Variants in ATF7IP2 observed in about 807,000 individuals in gnomAD.
ATF7IP2 encodes activating transcription factor 7-interacting protein 2.
In ATF7IP2, 42 loss-of-function variants were observed where a neutral mutation model predicts 64.2. The ratio of observed to expected loss-of-function variants is 0.65; its 90% CI spans 0.51 to 0.85. The LOEUF (loss-of-function observed/expected upper bound fraction) is 0.85, where lower values mean the gene tolerates loss of function less well. ATF7IP2 is among the 40% of genes least tolerant of loss of function. ATF7IP2 has a pLI of 0.00. For missense variants in ATF7IP2, 933 were observed against 784.2 expected (o/e 1.19, Z -2.27); for synonymous variants, 308 against 272.8 (o/e 1.13, Z -1.27).
intron 2 of ATF7IP2, among the ~76,000 whole-genome samples, chr16:10,415,406 G>A (rs1250353961): frequency 6.6e-6 from 1 of 152,144 alleles, no homozygotes; most frequent in African/African-American, 2.4e-5. Context: ...AAATGGTGCT[G>A]GGAAAACTGG....
intron 8 of ATF7IP2, among the ~76,000 whole-genome samples, chr16:10,453,093 C>T (rs571383986): frequency 3.3e-5 from 5 of 152,266 alleles, no homozygotes; most frequent in South Asian, 4.1e-4. Context: ...GAAGAGTGAA[C>T]GGTTCTCTCT....
intron 1 of ATF7IP2, among the ~76,000 whole-genome samples, chr16:10,389,666 A>G (rs1315873882): frequency 2.0e-5 from 3 of 152,258 alleles, no homozygotes; most frequent in Non-Finnish European, 4.4e-5. Context: ...GATTTTAAAA[A>G]CAAGTTGTTA....
In ATF7IP2 at chr16:10,439,261, G is replaced by A. The variant is rs951772064; in HGVS notation, c.1095+1026G>A. ...TTTCGTTTGTTTGAGATGGAGTCTC[G>A]CTCTGTCGCCCAGGCTGGAGTGCAG... On this transcript the variant is annotated intron_variant, in intron 7 of 13. Transcript: ENST00000562102. Among the ~76,000 whole-genome samples the A allele has an allele frequency of 5.9e-5, 9 of 151,570 alleles. No individual in the cohort carries two copies. In the South Asian group the frequency reaches 6.3e-4, roughly 11 times the overall value.
chr16:10,445,997 C>T (rs909068872), intron 8 of ATF7IP2: 2 of 152,212 alleles, frequency 1.3e-5, no homozygotes, highest in Non-Finnish European at 2.9e-5. Context: ...GCAAACAATT[C>T]ACATGTTTGG....
chr16:10,402,818 A>T (rs2047561254), intron 1 of ATF7IP2, among the ~76,000 whole-genome samples: 1 of 151,834 alleles, frequency 6.6e-6, no homozygotes, highest in South Asian at 2.1e-4. Context: ...CTCCCTCTGT[A>T]GTCCCAGCAT....
chr16:10,433,565 A>G lies in ATF7IP2; in HGVS notation c.876A>G (p.Glu292=). ...QKKRMFSENE[E]NVKRMKTSEQ... ...AGAGGATGTTTTCAGAAAACGAGGA[A>G]AATGTTAAACGCATGAAAACTTCAG... The change falls in exon 6 of 14, where the codon GAA becomes GAG. Residue 292 remains glutamate (E), a synonymous_variant. Coordinates refer to ENST00000562102, the MANE Select transcript of ATF7IP2 (RefSeq NM_001393719.1). 2 of 1,613,378 alleles carry G rather than the reference A, an allele frequency of 1.2e-6. No individual in the cohort carries two copies. The highest frequency in any genetic ancestry group is 1.7e-6 in the Non-Finnish European group (2 of 1,179,292).
In ATF7IP2 at chr16:10,430,730, C is replaced by A. The variant is rs758481978; in HGVS notation, c.110C>A (p.Ala37Glu). The change falls in exon 5 of 14, where the codon GCG becomes GAG. Residue 37 changes from alanine to glutamate, a missense_variant. Ala to Glu is a moderately radical substitution (Grantham distance 107). Transcript: ENST00000562102. ...CTGAATAAGTCAAGGAATGTTGAAG[C>A]GCTGAAAACAGCAATTGGGAGTAAT... ...EMLNKSRNVE[A>E]LKTAIGSNVP... 1.5e-5 allele frequency: 24 copies of A among 1,613,866 alleles called. No homozygotes were observed. The highest frequency in any genetic ancestry group is 6.8e-6 in the Non-Finnish European group (8 of 1,179,960).
At chr16:10,394,393 A>T (rs183510914) in intron 1 of ATF7IP2, among the ~76,000 whole-genome samples, 99 of 152,332 alleles carry the variant, frequency 6.5e-4, no homozygotes, top group African/African-American at 2.3e-3. Context: ...TGAAGCAACT[A>T]TTGACAGAAT....
At chr16:10,397,647 C>T (rs1002668503) in intron 1 of ATF7IP2, among the ~76,000 whole-genome samples, 9 of 151,904 alleles carry the variant, frequency 5.9e-5, no homozygotes, top group East Asian at 3.9e-4. Context: ...GAGGCCAAAG[C>T]GGGTGAATCG....
intron 8 of ATF7IP2, among the ~76,000 whole-genome samples, chr16:10,455,762 C>G (rs993612281): frequency 2.0e-5 from 3 of 152,094 alleles, no homozygotes; most frequent in African/African-American, 7.2e-5. Flanking sequence ...GACTTAATAC[C>G]TAGATCTTCA....
At chr16:10,443,543 ATTCCATGCAGGCAT>A (rs1472625787) in intron 8 of ATF7IP2, among the ~76,000 whole-genome samples, 2 of 152,240 alleles carry the variant, frequency 1.3e-5, no homozygotes, top group Non-Finnish European at 2.9e-5. Flanking sequence ...TATTCAATTC[ATTCCATGCAGGCAT>A]TTGCTTCTTG....
intron 1 of ATF7IP2, among the ~76,000 whole-genome samples, chr16:10,389,260 G>T (rs550093096): frequency 6.6e-6 from 1 of 152,160 alleles, no homozygotes; most frequent in Non-Finnish European, 1.5e-5. Flanking sequence ...AGTCTATCTG[G>T]CTATATAGAG....
intron 2 of ATF7IP2, 51 bp downstream of exon 2, chr16:10,414,663 T>TGTGTGTGTGTGTG (rs1567436963): frequency 7.5e-5 from 1 of 13,262 alleles, no homozygotes; most frequent in African/African-American, 6.1e-4. Flanking sequence ...GTGTGTGTGT[T>TGTGTGTGTGTGTG]TGGGCGGGGG....
intron 6 of ATF7IP2, among the ~76,000 whole-genome samples, chr16:10,436,636 A>C (rs2048429406): frequency 6.6e-6 from 1 of 152,214 alleles, no homozygotes; most frequent in Admixed American, 6.5e-5. Context: ...ATAAGAGTTT[A>C]ACGTAGGAAC....
intron 1 of ATF7IP2, among the ~76,000 whole-genome samples, chr16:10,400,369 AGTTT>A (rs2047504392): frequency 6.6e-6 from 1 of 152,172 alleles, no homozygotes; most frequent in Non-Finnish European, 1.5e-5. Context: ...CCTGAAACTT[AGTTT>A]GTTTATTAAA....
intron 1 of ATF7IP2, among the ~76,000 whole-genome samples, chr16:10,396,079 A>G (rs192940421): frequency 3.3e-4 from 51 of 152,364 alleles, no homozygotes; most frequent in African/African-American, 7.2e-4. Context: ...ATGGAAGATC[A>G]GTGTACATAA....
chr16:10,451,629 T>C (rs963507888), intron 8 of ATF7IP2, among the ~76,000 whole-genome samples: 3 of 152,060 alleles, frequency 2.0e-5, no homozygotes, highest in African/African-American at 7.2e-5. Flanking sequence ...AATACTTGTG[T>C]ATGCTTCATG....
At chr16:10,426,783 C>T (rs988066945) in intron 3 of ATF7IP2, among the ~76,000 whole-genome samples, 3 of 151,618 alleles carry the variant, frequency 2.0e-5, no homozygotes, top group African/African-American at 7.3e-5. Context: ...TAGGAAGAGC[C>T]TAATAAGATA....
At chr16:10,464,926 G>C (rs945491369) in intron 9 of ATF7IP2, among the ~76,000 whole-genome samples, 1 of 152,182 alleles carries the variant, frequency 6.6e-6, no homozygotes, top group African/African-American at 2.4e-5. Context: ...CCCCTCCTGG[G>C]TTTAGGTGAT....
Sources: allele counts gnomAD v4.1 joint callset (sites outside exome capture counted in the v4.1 genomes callset), GRCh38; gene constraint gnomAD v4.1.1; transcripts MANE v1.5; gene names NCBI Gene and HGNC (gene_info 2026-07-23, HGNC 2026-07-21).